BLTP3B: variants seen among roughly 807,000 people sequenced by gnomAD.
BLTP3B encodes the protein UHRF1 (ICBP90) binding protein 1-like.
chr12:100,111,593 GT>G, the BLTP3B span, among the ~76,000 whole-genome samples: 3 of 149,674 alleles, frequency 2.0e-5, no homozygotes, highest in Non-Finnish European at 3.0e-5. Context: ...CTAGTTTTTT[GT>G]TTTTTTTTGT....
the BLTP3B span, among the ~76,000 whole-genome samples, chr12:100,124,517 G>A: frequency 6.6e-6 from 1 of 151,768 alleles, no homozygotes; most frequent in Non-Finnish European, 1.5e-5. Context: ...GGCTGAGGAG[G>A]GTAGATCACG....
At chr12:100,058,056 C>G in the BLTP3B span, 1 of 1,575,626 alleles carries the variant, frequency 6.3e-7, no homozygotes, top group Non-Finnish European at 8.5e-7. Context: ...TTTAAGTGTT[C>G]TAACTGGGGG....
At chr12:100,135,281 CT>C in the BLTP3B span, among the ~76,000 whole-genome samples, 19 of 141,170 alleles carry the variant, frequency 1.3e-4, no homozygotes, top group East Asian at 2.0e-4. Context: ...TTCTTTCTTT[CT>C]TTTTTTTTTG....
the BLTP3B span, among the ~76,000 whole-genome samples, chr12:100,134,072 G>A: frequency 5.9e-5 from 9 of 152,062 alleles, no homozygotes; most frequent in African/African-American, 2.2e-4. Context: ...TCCACTGGGG[G>A]TCTTGAAGTG....
At chr12:100,053,289 C>T in the BLTP3B span, among the ~76,000 whole-genome samples, 1 of 151,394 alleles carries the variant, frequency 6.6e-6, no homozygotes, top group Non-Finnish European at 1.5e-5. Context: ...TCTGTAATCC[C>T]AGCTATTCAG....
At chr12:100,124,616 G>C in the BLTP3B span, among the ~76,000 whole-genome samples, 3,013 of 150,958 alleles carry the variant, frequency 0.02, 31 homozygotes, top group African/African-American at 0.028. Context: ...GTGATGGCAC[G>C]CGCCTGTAAT....
the BLTP3B span, among the ~76,000 whole-genome samples, chr12:100,113,090 G>A: frequency 6.6e-6 from 1 of 151,982 alleles, no homozygotes; most frequent in Admixed American, 6.6e-5. Flanking sequence ...GGGATCACCT[G>A]GGCCCAGGAG....
At chr12:100,086,372 AGGG>A in the BLTP3B span, 42 of 439,178 alleles carry the variant, frequency 9.6e-5, no homozygotes, top group Non-Finnish European at 1.6e-4. Flanking sequence ...GGAAAAAAAA[AGGG>A]GGGGGGGGAA....
At chr12:100,107,989 A>G in the BLTP3B span, among the ~76,000 whole-genome samples, 1 of 152,080 alleles carries the variant, frequency 6.6e-6, no homozygotes, top group Non-Finnish European at 1.5e-5. Context: ...CAATCCGCCT[A>G]CCTCGGCCTT....
chr12:100,059,630 C>G, the BLTP3B span: 1 of 1,340,924 alleles, frequency 7.5e-7, no homozygotes, highest in Admixed American at 3.0e-5. Context: ...TTTTCTTGAC[C>G]TTTCCCCCAA....
chr12:100,058,603 G>A, the BLTP3B span: 1 of 1,613,858 alleles, frequency 6.2e-7, no homozygotes, highest in South Asian at 1.1e-5. Flanking sequence ...GGTACCACTG[G>A]GCTCACACTT....
chr12:100,047,804 A>T, the BLTP3B span: 1 of 1,148,258 alleles, frequency 8.7e-7, no homozygotes, highest in Non-Finnish European at 1.2e-6. Flanking sequence ...AGATCTCTAC[A>T]TCATTTACCA....
At chr12:100,120,832 G>A in the BLTP3B span, among the ~76,000 whole-genome samples, 11 of 152,022 alleles carry the variant, frequency 7.2e-5, no homozygotes, top group African/African-American at 2.4e-4. Flanking sequence ...ATGTCCTCAC[G>A]AAGATTTATA....
the BLTP3B span, among the ~76,000 whole-genome samples, chr12:100,135,281 C>CT: frequency 4.2e-4 from 59 of 141,242 alleles, 1 homozygote; most frequent in Admixed American, 8.5e-4. Context: ...TTCTTTCTTT[C>CT]TTTTTTTTTT....
the BLTP3B span, chr12:100,097,566 G>T: frequency 6.7e-7 from 1 of 1,486,920 alleles, no homozygotes; most frequent in Non-Finnish European, 9.0e-7. Context: ...GAAAAATGTA[G>T]ATTTTTAAAA....
chr12:100,117,557 G>A, the BLTP3B span, among the ~76,000 whole-genome samples: 9 of 151,964 alleles, frequency 5.9e-5, no homozygotes, highest in African/African-American at 1.9e-4. Flanking sequence ...TGAACTCCTG[G>A]GCTCAAGTGA....
chr12:100,051,354 C>G, the BLTP3B span: 1 of 688,680 alleles, frequency 1.5e-6, no homozygotes, highest in Non-Finnish European at 2.2e-6. Flanking sequence ...AAAAATGGAC[C>G]AAGAAAAATT....
chr12:100,060,454 A>G, the BLTP3B span, among the ~76,000 whole-genome samples: 3 of 152,198 alleles, frequency 2.0e-5, no homozygotes, highest in Non-Finnish European at 4.4e-5. Context: ...CCTCGATCAC[A>G]TATTTCTGTA....
the BLTP3B span, among the ~76,000 whole-genome samples, chr12:100,122,107 TAATAA>T: frequency 6.6e-6 from 1 of 151,934 alleles, no homozygotes; most frequent in Admixed American, 6.6e-5. Context: ...CCATCTCAAA[TAATAA>T]AATAAAATAA....
Sources: allele counts gnomAD v4.1 joint callset (sites outside exome capture counted in the v4.1 genomes callset), GRCh38; gene constraint gnomAD v4.1.1; transcripts MANE v1.5; gene names NCBI Gene and HGNC (gene_info 2026-07-23, HGNC 2026-07-21).